RNF169: variants seen among roughly 807,000 people sequenced by gnomAD.
The protein encoded by RNF169 is E3 ubiquitin-protein ligase RNF169.
A neutral mutation model predicts 53.9 loss-of-function variants in RNF169; 24 were observed. The ratio of observed to expected loss-of-function variants is 0.45; its 90% CI spans 0.32 to 0.63. The LOEUF (loss-of-function observed/expected upper bound fraction) is 0.63. Among genes scored for constraint, RNF169 ranks in the 20% least tolerant of loss-of-function variants. The probability of loss-of-function intolerance (pLI) is 0.04; values close to 1 mark genes in which losing one functional copy is unlikely to be tolerated. For synonymous variants in RNF169, 396 were observed against 363.5 expected (o/e 1.09, Z -1.02); for missense variants, 883 against 906.2 (o/e 0.97, Z 0.33).
At chr11:74,761,350 C>G (rs2035078566) in intron 1 of RNF169, among the ~76,000 whole-genome samples, 1 of 145,458 alleles carries the variant, frequency 6.9e-6, no homozygotes, top group Admixed American at 6.9e-5. Flanking sequence ...TTGATCCTGT[C>G]ATTATGATGT....
rs2035044913 is a variant in RNF169 at position 74,759,587 on chromosome 11, G to GC, written c.502+10206dup. On this transcript the variant is annotated intron_variant, in intron 1 of 5. Transcript: ENST00000299563. ...GATAATCATGTGGTTTTTGTCTTTG[G>GC]CTCTGTTTATATGCTGGATTACATT... Among the ~76,000 whole-genome samples the GC allele has an allele frequency of 2.1e-5, 3 of 144,612 alleles. No homozygotes were observed. In the South Asian group the frequency reaches 6.7e-4, roughly 32 times the overall value. 94.9% of individuals were successfully genotyped at this position (144,612 alleles called of 152,430 possible).
At chr11:74,800,212 G>A (rs1171770979) in intron 2 of RNF169, among the ~76,000 whole-genome samples, 1 of 151,936 alleles carries the variant, frequency 6.6e-6, no homozygotes, top group Non-Finnish European at 1.5e-5. Context: ...CAAGTAATCT[G>A]CTTTCAGTGA....
At chr11:74,781,985 AATG>A (rs2035423246) in intron 1 of RNF169, among the ~76,000 whole-genome samples, 1 of 152,232 alleles carries the variant, frequency 6.6e-6, no homozygotes, top group African/African-American at 2.4e-5. Flanking sequence ...CAACCACTGT[AATG>A]ATGCTACTGG....
intron 2 of RNF169, among the ~76,000 whole-genome samples, chr11:74,799,550 T>C (rs929373895): frequency 6.6e-6 from 1 of 152,184 alleles, no homozygotes; most frequent in African/African-American, 2.4e-5. Flanking sequence ...AGGGTCAGGA[T>C]CAGTAGTTAT....
chr11:74,775,549 T>G (rs779039123), intron 1 of RNF169, among the ~76,000 whole-genome samples: 4 of 152,128 alleles, frequency 2.6e-5, no homozygotes, highest in Non-Finnish European at 5.9e-5. Context: ...TCCCCAAGAT[T>G]CTGGTCATAC....
chr11:74,756,701 T>C (rs1169238951), intron 1 of RNF169, among the ~76,000 whole-genome samples: 1 of 152,172 alleles, frequency 6.6e-6, no homozygotes, highest in African/African-American at 2.4e-5. Flanking sequence ...AGGAGCGTTC[T>C]AGGGATTGTA....
At chr11:74,828,317 A>G (rs540347459) in intron 4 of RNF169, among the ~76,000 whole-genome samples, 1 of 152,310 alleles carries the variant, frequency 6.6e-6, no homozygotes, top group East Asian at 1.9e-4. Context: ...CCACTGCTCA[A>G]AGAAATCAGA....
At chr11:74,787,210 A>T (rs1435407246) in intron 1 of RNF169, among the ~76,000 whole-genome samples, 1 of 152,224 alleles carries the variant, frequency 6.6e-6, no homozygotes, top group Non-Finnish European at 1.5e-5. Context: ...AGTTTGATTA[A>T]TATAACTACA....
chr11:74,815,162 T>C (rs1490552629), intron 3 of RNF169, among the ~76,000 whole-genome samples: 1 of 152,106 alleles, frequency 6.6e-6, no homozygotes, highest in Non-Finnish European at 1.5e-5. Context: ...AGATGAAAGA[T>C]GAGGGGTAAA....
chr11:74,774,668 A>G (rs968920242), intron 1 of RNF169, among the ~76,000 whole-genome samples: 1 of 152,094 alleles, frequency 6.6e-6, no homozygotes, highest in Non-Finnish European at 1.5e-5. Flanking sequence ...GAAATGAGAA[A>G]GCAAGGCCGG....
At chr11:74,792,930 C>T (rs1565178632) in intron 2 of RNF169, among the ~76,000 whole-genome samples, 1 of 152,128 alleles carries the variant, frequency 6.6e-6, no homozygotes. Context: ...TCCATCTCAC[C>T]CACCCCAAGT....
At position 74,842,372 on chromosome 11, in the gene RNF169, G is replaced by A. The variant is rs2036693570; in HGVS notation, c.*5642G>A. 1 of 152,222 alleles carries A rather than the reference G, an allele frequency of 6.6e-6. No individual in the cohort carries two copies. Among genetic ancestry groups the A allele is most frequent in the Admixed American group, 6.5e-5 (1 of 15,284 alleles). The allele number at this position is 152,222 out of a possible 1,614,324, so 9.4% of individuals were successfully genotyped here. On this transcript the variant is annotated 3_prime_UTR_variant, in exon 6 of 6. Coordinates refer to ENST00000299563, the MANE Select transcript of RNF169 (RefSeq NM_001098638.2). Reference sequence around the variant, plus strand: ...TGTATGTTTGCCTGCTTGAAGCAAGGCCCAAGTTGAGAATACAGTAAAGGA... The same window carrying A: ...TGTATGTTTGCCTGCTTGAAGCAAGACCCAAGTTGAGAATACAGTAAAGGA...
intron 1 of RNF169, 76 bp from the exon 2 acceptor site, chr11:74,789,550 C>A (rs994723884): frequency 2.0e-5 from 16 of 814,326 alleles, no homozygotes; most frequent in Admixed American, 4.1e-5. Flanking sequence ...ATTTATATAA[C>A]CCACATGTAT....
chr11:74,775,295 C>T (rs1216371521), intron 1 of RNF169, among the ~76,000 whole-genome samples: 1 of 152,140 alleles, frequency 6.6e-6, no homozygotes, highest in Non-Finnish European at 1.5e-5. Flanking sequence ...AGGGATGTTT[C>T]TCCCATTCTG....
rs147104037 is a variant in RNF169 at position 74,792,357 on chromosome 11, G to A, written c.576+2658G>A. On this transcript the variant is annotated intron_variant, in intron 2 of 5. Transcript: ENST00000299563. The stretch of plus-strand genomic sequence containing the variant: ...AAGGTAATCTTAGAGAAAACAAGGA[G>A]TAGGAGGTAGAAAAAGGAGGTGAAG... 1.7e-4 allele frequency among the ~76,000 whole-genome samples: 26 copies of A among 152,248 alleles called. No homozygotes were observed. In the East Asian group the frequency reaches 5.0e-3, roughly 29 times the overall value.
chr11:74,816,657 C>T (rs1017849715), intron 3 of RNF169, among the ~76,000 whole-genome samples: 1 of 152,120 alleles, frequency 6.6e-6, no homozygotes, highest in Non-Finnish European at 1.5e-5. Context: ...AGGCAGAGAG[C>T]AGAGACGGAA....
At chr11:74,802,353 CAGTT>C (rs1355621591) in intron 2 of RNF169, among the ~76,000 whole-genome samples, 3 of 152,154 alleles carry the variant, frequency 2.0e-5, no homozygotes, top group African/African-American at 4.8e-5. Flanking sequence ...TTATAAAAAT[CAGTT>C]AGTCCAGGCT....
rs1426248742 is a variant in RNF169, at chr11:74,754,829, TAAAC to T, written c.502+5451_502+5454del. Among the ~76,000 whole-genome samples the T allele has an allele frequency of 1.1e-4, 17 of 152,196 alleles. 1 individual carries two copies. In the East Asian group the frequency reaches 3.3e-3, roughly 29 times the overall value. ...AGCGAGACTCTCTCTGAAAAACAAA[TAAAC>T]AAAACACGAAAATTGAATAGATAAA... is the stretch of plus-strand genomic sequence containing the variant. On this transcript the variant is annotated intron_variant, in intron 1 of 5. Coordinates refer to ENST00000299563, the MANE Select transcript of RNF169 (RefSeq NM_001098638.2).
At chr11:74,802,048 G>A (rs528416570) in intron 2 of RNF169, among the ~76,000 whole-genome samples, 3 of 152,244 alleles carry the variant, frequency 2.0e-5, no homozygotes, top group South Asian at 2.1e-4. Context: ...ATTAAACACC[G>A]TGAGACTGTA....
Sources: allele counts gnomAD v4.1 joint callset (sites outside exome capture counted in the v4.1 genomes callset), GRCh38; gene constraint gnomAD v4.1.1; transcripts MANE v1.5; gene names NCBI Gene and HGNC (gene_info 2026-07-23, HGNC 2026-07-21).